HMCN1: variants seen among roughly 807,000 people sequenced by gnomAD.
HMCN1 encodes hemicentin 1.
In HMCN1, 321 loss-of-function variants were observed where a neutral mutation model predicts 625.9. The observed-to-expected ratio is 0.51, with a 90% CI of 0.47 to 0.56. The LOEUF (loss-of-function observed/expected upper bound fraction) is 0.56. Ranked by LOEUF, HMCN1 falls within the 20% of genes least tolerant of loss-of-function variation. The pLI is 0.00. For synonymous variants in HMCN1, 2,425 were observed against 2,417.6 expected (o/e 1.00, Z -0.09); for missense variants, 6,588 against 6,887.3 (o/e 0.96, Z 1.54).
chr1:186,173,640 C>CAAAA (rs762258823), intron 102 of HMCN1, among the ~76,000 whole-genome samples: 5,758 of 74,538 alleles, frequency 0.077, 538 homozygotes, highest in African/African-American at 0.23. Flanking sequence ...GACTCCATCT[C>CAAAA]AAAAAAAAAA....
At chr1:185,941,315 G>A (rs1410033651) in intron 11 of HMCN1, among the ~76,000 whole-genome samples, 2 of 152,126 alleles carry the variant, frequency 1.3e-5, no homozygotes, top group Non-Finnish European at 2.9e-5. Flanking sequence ...TCTATAACAT[G>A]TCAGAAGTTA....
intron 85 of HMCN1, 42 bp downstream of exon 85, chr1:186,130,739 C>G (rs558706836): frequency 1.3e-6 from 2 of 1,519,874 alleles, no homozygotes; most frequent in Admixed American, 3.3e-5. Context: ...TAAACCCCCA[C>G]AGCCAATACC....
At chr1:186,078,499 A>G (rs952819489) in intron 55 of HMCN1, among the ~76,000 whole-genome samples, 2 of 152,204 alleles carry the variant, frequency 1.3e-5, no homozygotes, top group South Asian at 2.1e-4. Context: ...GGCTACAGTC[A>G]TGTCTGACTT....
chr1:186,144,010 C>A (rs138604808), intron 89 of HMCN1, among the ~76,000 whole-genome samples, 163 bp from the exon 90 acceptor site: 2 of 152,160 alleles, frequency 1.3e-5, no homozygotes, highest in Non-Finnish European at 2.9e-5. Context: ...AAAATCTAAC[C>A]AGAAGGAGAA....
intron 77 of HMCN1, among the ~76,000 whole-genome samples, chr1:186,118,721 CATT>C (rs1368566864): frequency 1.3e-5 from 2 of 152,140 alleles, no homozygotes; most frequent in Non-Finnish European, 2.9e-5. Flanking sequence ...ACCTCAAAAA[CATT>C]ATGCTCATAG....
intron 1 of HMCN1, among the ~76,000 whole-genome samples, chr1:185,794,601 A>ATTTTTTTTTTTTTTTTTTTT (rs34098989): frequency 9.0e-6 from 1 of 111,194 alleles, no homozygotes; most frequent in African/African-American, 3.7e-5. Context: ...GTCTTTACAC[A>ATTTTTTTTTTTTTTTTTTTT]TTTTTTTTTT....
chr1:185,928,720 A>T, intron 10 of HMCN1, 53 bp downstream of exon 10: 3 of 1,581,930 alleles, frequency 1.9e-6, no homozygotes, highest in Non-Finnish European at 2.6e-6. Context: ...CAGCTATGGA[A>T]ATGGGATGTT....
intron 42 of HMCN1, among the ~76,000 whole-genome samples, chr1:186,050,699 G>A (rs1344750145): frequency 6.6e-6 from 1 of 151,984 alleles, no homozygotes; most frequent in Non-Finnish European, 1.5e-5. Flanking sequence ...ATAGTGGAAA[G>A]CAGAATGCAG....
chr1:186,123,164 G>A lies in HMCN1; in HGVS notation c.12443G>A (p.Cys4148Tyr). ...CCTGGTGATGCTGGCCATTACACGT[G>A]CATGGCAGCCAATGTAGCAGGATCA... is the stretch of plus-strand genomic sequence containing the variant. ...VQPGDAGHYT[C>Y]MAANVAGSSS... Residue 4148 changes from cysteine to tyrosine, a missense_variant, in exon 81 of 107, where the codon TGC becomes TAC. Physicochemically the swap from Cys to Tyr is radical, Grantham distance 194 (BLOSUM62 -2). Around this residue, in one of 3 missense-constraint regions of HMCN1, gnomAD observed 1,954 missense variants for 2,013.1 expected, o/e 0.97. Transcript: ENST00000271588. 3 of 1,613,932 alleles carry A rather than the reference G, an allele frequency of 1.9e-6. No individual in the cohort carries two copies. The highest frequency in any genetic ancestry group is 2.5e-6 in the Non-Finnish European group (3 of 1,179,940).
intron 29 of HMCN1, among the ~76,000 whole-genome samples, chr1:186,006,209 A>G (rs1340090458): frequency 6.6e-6 from 1 of 152,124 alleles, no homozygotes. Flanking sequence ...AGAGCTATAT[A>G]CAAAGTGTCA....
In HMCN1 at chr1:185,778,607, G is replaced by A. The variant is rs550983200; in HGVS notation, c.268+43560G>A. ...GAGAATATGCGGTGTTTGGTTTTTC[G>A]TCCTTGAGATAGTTTGCTGAGAATG... On this transcript the variant is annotated intron_variant, in intron 1 of 106. Coordinates refer to ENST00000271588, the MANE Select transcript of HMCN1 (RefSeq NM_031935.3). Among the ~76,000 whole-genome samples the A allele has an allele frequency of 6.0e-5, 9 of 149,832 alleles. No homozygotes were observed. In the South Asian group the frequency reaches 1.1e-3, roughly 18 times the overall value.
chr1:185,858,106 G>A (rs1407431), intron 2 of HMCN1, among the ~76,000 whole-genome samples: 43,770 of 151,990 alleles, frequency 0.29, 6,803 homozygotes, highest in African/African-American at 0.37. Flanking sequence ...AGGATTTTCA[G>A]AAGTTAGTAC....
In HMCN1 at chr1:186,086,814, T is replaced by TA. The variant is rs56163388; in HGVS notation, c.9047-403_9047-402insA. Among the ~76,000 whole-genome samples, 47 of 73,714 alleles carry TA rather than the reference T, an allele frequency of 6.4e-4. No individual in the cohort carries two copies. In the East Asian group the frequency reaches 0.011, roughly 18 times the overall value. The allele number at this position is 73,714 out of a possible 152,430, so 48.4% of individuals were successfully genotyped here. The stretch of plus-strand genomic sequence containing the variant: ...GATAGATGATAGATAGATAGATAGA[T>TA]GATAGATAGATAGATAGATAGATAG... On this transcript the variant is annotated intron_variant, in intron 58 of 106. Transcript: ENST00000271588.
intron 2 of HMCN1, among the ~76,000 whole-genome samples, chr1:185,855,587 T>A (rs1258879886): frequency 6.6e-6 from 1 of 152,210 alleles, no homozygotes; most frequent in Non-Finnish European, 1.5e-5. Flanking sequence ...TGGTACATAG[T>A]GCAGTTTTTA....
intron 11 of HMCN1, among the ~76,000 whole-genome samples, chr1:185,960,331 G>T (rs924589381): frequency 6.6e-6 from 1 of 151,974 alleles, no homozygotes; most frequent in Admixed American, 6.6e-5. Context: ...GTTTCTCCAT[G>T]TTGGTCAGGA....
Position 185,994,983 on chromosome 1 carries a change from C to A in HMCN1, c.3674C>A (p.Thr1225Asn). The change falls in exon 24 of 107, where the codon ACT becomes AAT. Residue 1225 changes from threonine (T) to asparagine (N), a missense_variant. Transcript: ENST00000271588. The part of the protein sequence containing the change: ...GEHHVSNPDG[T>N]LSIDQATPSD... ...CACCATGTTAGCAATCCAGACGGAA[C>A]TTTAAGCATCGACCAAGCCACGCCC... The A allele has an allele frequency of 6.2e-7, 1 of 1,613,902 alleles. No individual in the cohort carries two copies. Among genetic ancestry groups the A allele is most frequent in the Non-Finnish European group, 8.5e-7 (1 of 1,179,860 alleles).
At chr1:185,881,381 C>A (rs1413583715) in intron 4 of HMCN1, among the ~76,000 whole-genome samples, 1 of 152,206 alleles carries the variant, frequency 6.6e-6, no homozygotes, top group Non-Finnish European at 1.5e-5. Flanking sequence ...AAATTCTTCT[C>A]CAAAGTTACA....
chr1:185,926,970 A>G (rs1667308764), intron 9 of HMCN1, among the ~76,000 whole-genome samples: 1 of 152,212 alleles, frequency 6.6e-6, no homozygotes, highest in Admixed American at 6.5e-5. Flanking sequence ...AATTATTTTC[A>G]TGTAACATTT....
chr1:186,128,003 C>A, intron 82 of HMCN1, 75 bp from the exon 83 acceptor site: 1 of 1,233,676 alleles, frequency 8.1e-7, no homozygotes, highest in Non-Finnish European at 1.2e-6. Flanking sequence ...GAGGGCCTAG[C>A]TATGCAATTT....
Sources: allele counts gnomAD v4.1 joint callset (sites outside exome capture counted in the v4.1 genomes callset), GRCh38; gene constraint gnomAD v4.1.1; regional missense constraint gnomAD v4.1.1; transcripts MANE v1.5; gene names NCBI Gene and HGNC (gene_info 2026-07-23, HGNC 2026-07-21).